OVCH1: variants seen among roughly 807,000 people sequenced by gnomAD.
OVCH1 encodes ovochymase-1.
OVCH1 carries 139 observed loss-of-function variants against 138.4 expected under a neutral mutation model. The ratio of observed to expected loss-of-function variants is 1.00; its 90% CI spans 0.87 to 1.16. The LOEUF is 1.16. Ranked by LOEUF, OVCH1 falls within the 50% of genes most tolerant of loss-of-function variation. The probability of loss-of-function intolerance (pLI) is 0.00; values close to 1 mark genes in which losing one functional copy is unlikely to be tolerated. For missense variants in OVCH1, 1,367 were observed against 1,357.9 expected (o/e 1.01, Z -0.11); for synonymous variants, 453 against 467.8 (o/e 0.97, Z 0.41).
At chr12:29,489,526 G>A (rs61918687) in intron 6 of OVCH1, 94 bp downstream of exon 6, 116,001 of 1,352,542 alleles carry the variant, frequency 0.086, 5,229 homozygotes, top group African/African-American at 0.12. Flanking sequence ...TTTTGACACA[G>A]TAATAGAAGA....
intron 8 of OVCH1, among the ~76,000 whole-genome samples, chr12:29,481,361 T>C (rs1942927038): frequency 6.6e-6 from 1 of 152,168 alleles, no homozygotes; most frequent in South Asian, 2.1e-4. Context: ...TATTGAAATA[T>C]AGTACAAATA....
At chr12:29,443,316 T>A in intron 25 of OVCH1, 45 bp downstream of exon 25, 1 of 1,581,452 alleles carries the variant, frequency 6.3e-7, no homozygotes, top group Non-Finnish European at 8.6e-7. Flanking sequence ...ACATGTTTCA[T>A]CAGAGAAAAA....
rs775575199 is a variant in OVCH1 at position 29,465,223 on chromosome 12, G to C, written c.1857-4C>G. ...CCAGGAGAGTGGATTATTCTTCCTG[G>C]AGACAGAAGAACAGTGAAAGTTTGA... On this transcript the variant is annotated splice_region_variant and splice_polypyrimidine_tract_variant and intron_variant, in intron 16 of 27. Transcript: ENST00000318184. 6.3e-7 allele frequency: 1 copy of C among 1,589,312 alleles called. No homozygotes were observed. The highest frequency in any genetic ancestry group is 1.3e-5 in the African/African-American group (1 of 74,598).
exon 20 of OVCH1, chr12:29,455,343 A>G: frequency 1.9e-5 from 30 of 1,613,892 alleles, no homozygotes; most frequent in Non-Finnish European, 2.5e-5. Flanking sequence ...CCCAGCTGAC[A>G]ATGCCATAGA....
At chr12:29,456,724 G>A (rs1592061787) in intron 19 of OVCH1, among the ~76,000 whole-genome samples, 1 of 152,216 alleles carries the variant, frequency 6.6e-6, no homozygotes, top group East Asian at 1.9e-4. Flanking sequence ...CCCATTTGAG[G>A]GTAAGCACTG....
chr12:29,410,930 C>T (rs191174264), downstream of OVCH1, among the ~76,000 whole-genome samples: 3 of 152,156 alleles, frequency 2.0e-5, no homozygotes, highest in African/African-American at 4.8e-5. Context: ...CCATTCTCCC[C>T]GTCACCTTCA....
chr12:29,430,962 A>G, intron 27 of OVCH1: 1 of 513,606 alleles, frequency 1.9e-6, no homozygotes, highest in East Asian at 5.5e-5. Flanking sequence ...TTGCTAAGGC[A>G]CCAAGCAATC....
At chr12:29,417,910 G>C (rs1327217160) in intron 3 of OVCH1, among the ~76,000 whole-genome samples, 2 of 152,098 alleles carry the variant, frequency 1.3e-5, no homozygotes, top group African/African-American at 4.8e-5. Flanking sequence ...AGCAAATGAT[G>C]GGCTATGATT....
intron 3 of OVCH1, among the ~76,000 whole-genome samples, chr12:29,421,536 T>C (rs1055688087): frequency 1.3e-5 from 2 of 152,174 alleles, no homozygotes; most frequent in African/African-American, 2.4e-5. Flanking sequence ...AATAAAAATA[T>C]TGCATCTAAT....
intron 26 of OVCH1, among the ~76,000 whole-genome samples, chr12:29,435,100 C>A (rs1941333860): frequency 6.6e-6 from 1 of 152,228 alleles, no homozygotes; most frequent in Non-Finnish European, 1.5e-5. Flanking sequence ...ATATAACCTT[C>A]ATTTATCCAC....
intron 5 of OVCH1, among the ~76,000 whole-genome samples, chr12:29,490,332 G>A (rs908593064): frequency 1.3e-5 from 2 of 151,910 alleles, no homozygotes; most frequent in Non-Finnish European, 2.9e-5. Context: ...TTCCTGCCTT[G>A]GCCTCCCAAA....
At chr12:29,417,345 C>T (rs7311072) in intron 3 of OVCH1, among the ~76,000 whole-genome samples, 9 of 151,166 alleles carry the variant, frequency 6.0e-5, no homozygotes, top group Non-Finnish European at 1.0e-4. Context: ...CACCTGTAGT[C>T]TCAGCTACTC....
Position 29,451,512 on chromosome 12 carries a change from T to C in OVCH1, c.2588A>G (p.Tyr863Cys), listed in dbSNP as rs1361747481. 4.3e-6 allele frequency: 7 copies of C among 1,613,196 alleles called. 1 individual carries two copies. In the South Asian group the frequency reaches 4.4e-5, roughly 10 times the overall value. Residue 863 changes from tyrosine to cysteine, a missense_variant, in exon 22 of 28, where the codon TAT (tyrosine) becomes TGT (cysteine). Tyr to Cys is a radical substitution (Grantham distance 194). Transcript: ENST00000318184. ...CAGTCTTCCTCTATAATCCAGTAGA[T>C]ACCGTGGTGTGGGAAAAAAGCCTCT...
At chr12:29,464,509 G>C (rs750335392) in exon 18 of OVCH1, 2 of 1,612,938 alleles carry the variant, frequency 1.2e-6, no homozygotes, top group Admixed American at 3.3e-5. Context: ...ATGCTTACCT[G>C]CACTGATGCT....
In OVCH1 at chr12:29,444,293, GA is replaced by G. The variant is rs1485479766; in HGVS notation, c.2882-14del. On this transcript the variant is annotated splice_polypyrimidine_tract_variant and intron_variant, in intron 23 of 27. Coordinates refer to ENST00000318184, the Ensembl canonical transcript of OVCH1. ...CTGTCCTTTGGACCTAAAAGAACAG[GA>G]AGCAGAGAAAATGAGAATAAAACCA... 6.2e-7 allele frequency: 1 copy of G among 1,608,204 alleles called. No homozygotes were observed. The highest frequency in any genetic ancestry group is 2.2e-5 in the East Asian group (1 of 44,774).
downstream of OVCH1, among the ~76,000 whole-genome samples, chr12:29,424,660 C>T (rs1418167109): frequency 2.6e-5 from 4 of 152,110 alleles, no homozygotes; most frequent in African/African-American, 7.2e-5. Context: ...AACTATATGG[C>T]AAGCTACTCA....
intron 8 of OVCH1, among the ~76,000 whole-genome samples, chr12:29,483,970 A>G (rs545407919): frequency 4.6e-5 from 7 of 152,326 alleles, no homozygotes; most frequent in Non-Finnish European, 8.8e-5. Flanking sequence ...TATGGATTAT[A>G]AAGCTTATTT....
At chr12:29,426,111 G>C (rs1458788074), downstream of OVCH1, 3 of 152,106 alleles carry the variant, frequency 2.0e-5, no homozygotes, top group African/African-American at 7.2e-5. Flanking sequence ...TCGCTGCTCT[G>C]AATTTGTAAT....
chr12:29,406,953 C>A, the OVCH1 span, among the ~76,000 whole-genome samples: 4 of 145,970 alleles, frequency 2.7e-5, no homozygotes, highest in Non-Finnish European at 6.1e-5. Context: ...TTCTCCACAT[C>A]CTCTCCAGCA....
Sources: allele counts gnomAD v4.1 joint callset (sites outside exome capture counted in the v4.1 genomes callset), GRCh38; gene constraint gnomAD v4.1.1; transcripts MANE v1.5; gene names NCBI Gene and HGNC (gene_info 2026-07-23, HGNC 2026-07-21).